CLINT1: variants seen among roughly 807,000 people sequenced by gnomAD.
CLINT1 encodes the protein clathrin interacting protein localized in the trans-Golgi region.
In CLINT1, 15 loss-of-function variants were observed where a neutral mutation model predicts 70.4. The ratio of observed to expected loss-of-function variants is 0.21; its 90% CI spans 0.14 to 0.33. The LOEUF is 0.33. Among genes scored for constraint, CLINT1 ranks in the 10% least tolerant of loss-of-function variants. The probability of loss-of-function intolerance (pLI) is 1.00; values close to 1 mark genes in which losing one functional copy is unlikely to be tolerated. For missense variants in CLINT1, 615 were observed against 778.1 expected, an observed-to-expected ratio of 0.79 and a Z score of 2.49; for synonymous variants, 227 against 254.7, an observed-to-expected ratio of 0.89 and a Z score of 1.04.
intron 10 of CLINT1, chr5:157,789,748 T>C (rs918367969): frequency 6.7e-6 from 4 of 597,334 alleles, no homozygotes; most frequent in Non-Finnish European, 1.2e-5. Context: ...CCAATCAGGT[T>C]TGAGGTGGAT....
chr5:157,807,958 GTC>G (rs1331314520), intron 6 of CLINT1, among the ~76,000 whole-genome samples: 2 of 152,080 alleles, frequency 1.3e-5, no homozygotes, highest in African/African-American at 4.8e-5. Flanking sequence ...GCCCTGAAAT[GTC>G]TCTTTTTCAA....
intron 9 of CLINT1, 142 bp downstream of exon 9, chr5:157,794,756 T>TA (rs1168995604): frequency 1.6e-5 from 11 of 671,488 alleles, no homozygotes; most frequent in Non-Finnish European, 2.6e-5. Context: ...CCCAATAAAA[T>TA]ACCTTGTGAA....
At chr5:157,851,404 C>G (rs1343705585) in intron 1 of CLINT1, among the ~76,000 whole-genome samples, 7 of 151,976 alleles carry the variant, frequency 4.6e-5, no homozygotes, top group Non-Finnish European at 1.0e-4. Flanking sequence ...AACAAATATT[C>G]TAGGCCAGGC....
chr5:157,833,536 G>C (rs1034952198), intron 1 of CLINT1, among the ~76,000 whole-genome samples: 2 of 152,136 alleles, frequency 1.3e-5, no homozygotes. Flanking sequence ...AGGTCTTATA[G>C]CTTGAATGCC....
chr5:157,834,576 TC>T (rs1763356054), intron 1 of CLINT1, among the ~76,000 whole-genome samples: 1 of 152,244 alleles, frequency 6.6e-6, no homozygotes, highest in South Asian at 2.1e-4. Flanking sequence ...CTGTTTCGTT[TC>T]CTTTATGGGA....
At chr5:157,788,071 G>A in intron 11 of CLINT1, 79 bp from the exon 12 acceptor site, 2 of 1,090,664 alleles carry the variant, frequency 1.8e-6, no homozygotes, top group Non-Finnish European at 2.7e-6. Flanking sequence ...ATAACTTCTT[G>A]ACCATCTATC....
intron 1 of CLINT1, among the ~76,000 whole-genome samples, chr5:157,851,738 T>G (rs1162981838): frequency 1.3e-5 from 2 of 151,248 alleles, no homozygotes; most frequent in South Asian, 2.1e-4. Context: ...CTAACTAGAC[T>G]CTTCTTAAAT....
At chr5:157,819,978 G>C (rs905136275) in intron 1 of CLINT1, among the ~76,000 whole-genome samples, 1 of 152,192 alleles carries the variant, frequency 6.6e-6, no homozygotes, top group Non-Finnish European at 1.5e-5. Flanking sequence ...TGTTTAGAGG[G>C]AGAGGTGGCA....
At chr5:157,790,559 C>T (rs1761869939) in intron 10 of CLINT1, 4 of 429,804 alleles carry the variant, frequency 9.3e-6, no homozygotes, top group South Asian at 5.1e-5. Context: ...TTATGCTTAA[C>T]TCATACATTA....
chr5:157,808,914 A>C (rs150270624), intron 6 of CLINT1, among the ~76,000 whole-genome samples: 2 of 152,238 alleles, frequency 1.3e-5, no homozygotes, highest in East Asian at 3.9e-4. Context: ...GGATCATCTA[A>C]GGTCCAAATG....
chr5:157,789,139 A>C (rs998986600), intron 11 of CLINT1, among the ~76,000 whole-genome samples: 1 of 152,206 alleles, frequency 6.6e-6, no homozygotes, highest in Non-Finnish European at 1.5e-5. Flanking sequence ...AAAACTCTCC[A>C]CAATACAATA....
At chr5:157,830,853 C>G (rs986799715) in intron 1 of CLINT1, among the ~76,000 whole-genome samples, 5 of 148,502 alleles carry the variant, frequency 3.4e-5, no homozygotes, top group Non-Finnish European at 5.9e-5. Flanking sequence ...AGTGAGACCT[C>G]CATCTCTACA....
At chr5:157,820,682 C>A (rs1762854537) in intron 1 of CLINT1, among the ~76,000 whole-genome samples, 1 of 152,046 alleles carries the variant, frequency 6.6e-6, no homozygotes, top group African/African-American at 2.4e-5. Flanking sequence ...AATCTATGCC[C>A]TACCCATAAT....
intron 1 of CLINT1, among the ~76,000 whole-genome samples, chr5:157,856,256 T>C (rs1289403794): frequency 1.3e-5 from 2 of 152,222 alleles, no homozygotes; most frequent in Non-Finnish European, 2.9e-5. Context: ...TTGATGGAAA[T>C]GCATTTCTCC....
intron 1 of CLINT1, among the ~76,000 whole-genome samples, chr5:157,856,329 A>C (rs1410112038): frequency 6.6e-6 from 1 of 152,230 alleles, no homozygotes; most frequent in Non-Finnish European, 1.5e-5. Context: ...ACAGATAAGG[A>C]AGGCAAAGTC....
intron 4 of CLINT1, among the ~76,000 whole-genome samples, chr5:157,813,960 G>A (rs900421080): frequency 5.3e-5 from 8 of 152,080 alleles, no homozygotes; most frequent in Admixed American, 3.3e-4. Context: ...ATATAAACCC[G>A]AACACTCATG....
chr5:157,803,584 A>G (rs1160956229), intron 8 of CLINT1, 66 bp downstream of exon 8: 4 of 1,108,876 alleles, frequency 3.6e-6, no homozygotes, highest in African/African-American at 1.6e-5. Flanking sequence ...TTTTCAATCT[A>G]TCTTTTATTT....
Position 157,803,790 on chromosome 5 carries a change from A to G in CLINT1, c.943-71T>C, listed in dbSNP as rs1481205561. ...CTAAAAATCAGCTCTATCCATCTCT[A>G]ATTCTCAATTTAGACATAAATACCT... On this transcript the variant is annotated intron_variant, in intron 7 of 11. Coordinates refer to ENST00000411809, the MANE Select transcript of CLINT1 (RefSeq NM_014666.4). 1.8e-4 allele frequency: 204 copies of G among 1,104,316 alleles called. 1 individual carries two copies. In the East Asian group the frequency reaches 5.0e-3, roughly 27 times the overall value. 68.4% of individuals were successfully genotyped at this position (1,104,316 alleles called of 1,614,324 possible).
Position 157,814,061 on chromosome 5 carries a change from C to T in CLINT1, c.352+124G>A, listed in dbSNP as rs1762639659. On this transcript the variant is annotated intron_variant, in intron 4 of 11. Transcript: ENST00000411809. Reference sequence around the variant, plus strand: ...CTAGGGCCCCACGTCTTGGATTCTGCACTCGTCACACAACCAGCAACAGTC... The same window carrying T: ...CTAGGGCCCCACGTCTTGGATTCTGTACTCGTCACACAACCAGCAACAGTC... 9 of 671,838 alleles carry T rather than the reference C, an allele frequency of 1.3e-5. 1 individual carries two copies. In the East Asian group the frequency reaches 2.5e-4, roughly 18 times the overall value. 41.6% of individuals were successfully genotyped at this position (671,838 alleles called of 1,614,324 possible). A position where few individuals can be genotyped will look rare whatever the true frequency, so the allele number is the denominator to read the frequency against.
Sources: allele counts gnomAD v4.1 joint callset (sites outside exome capture counted in the v4.1 genomes callset), GRCh38; gene constraint gnomAD v4.1.1; transcripts MANE v1.5; gene names NCBI Gene and HGNC (gene_info 2026-07-23, HGNC 2026-07-21).